Variants in COL8A1 observed in about 807,000 individuals in gnomAD.
The protein encoded by COL8A1 is collagen type VIII alpha 1 chain, also known as collagen alpha-1(VIII) chain.
In COL8A1, 21 loss-of-function variants were observed where a neutral mutation model predicts 42.7. The observed-to-expected ratio is 0.49, with a 90% confidence interval of 0.35 to 0.71. The LOEUF (loss-of-function observed/expected upper bound fraction) is 0.71. COL8A1 is among the 30% of genes least tolerant of loss of function. COL8A1 has a pLI of 0.01. For synonymous variants in COL8A1, 367 were observed against 369.1 expected, an observed-to-expected ratio of 0.99 and a Z score of 0.06; for missense variants, 788 against 962.4, an observed-to-expected ratio of 0.82 and a Z score of 2.40.
intron 2 of COL8A1, among the ~76,000 whole-genome samples, chr3:99,755,711 A>G (rs1221484864): frequency 6.6e-6 from 1 of 152,212 alleles, no homozygotes; most frequent in Non-Finnish European, 1.5e-5. Flanking sequence ...ATGATCTGGA[A>G]GACAGTTCAG....
intron 2 of COL8A1, among the ~76,000 whole-genome samples, chr3:99,777,244 A>T (rs777067451): frequency 1.3e-5 from 2 of 152,102 alleles, no homozygotes; most frequent in African/African-American, 4.8e-5. Context: ...TCTTGGGGGA[A>T]TCTTTTCCTC....
At position 99,656,499 on chromosome 3, in the gene COL8A1, A is replaced by G. The variant is rs142182165; in HGVS notation, c.-129+17835A>G. Among the ~76,000 whole-genome samples, 726 of 152,238 alleles carry G rather than the reference A, an allele frequency of 4.8e-3. 7 individuals are homozygous for G. The highest frequency in any genetic ancestry group is 0.016 in the African/African-American group (684 of 41,552). On this transcript the variant is annotated intron_variant, in intron 1 of 3. Transcript: ENST00000652472. ...TTTATCTATTTGTATAAGAAGAAAA[A>G]AAAAAAAAAAGCTTTCCTCACAGGG...
chr3:99,768,019 A>C (rs1242619136), intron 2 of COL8A1, among the ~76,000 whole-genome samples: 1 of 152,206 alleles, frequency 6.6e-6, no homozygotes, highest in Non-Finnish European at 1.5e-5. Flanking sequence ...GTAACATTTG[A>C]TTGAGATCGG....
chr3:99,671,373 A>G (rs1578796), intron 1 of COL8A1, among the ~76,000 whole-genome samples: 42,226 of 151,948 alleles, frequency 0.28, 7,066 homozygotes, highest in East Asian at 0.48. Flanking sequence ...AAAAAGTTAC[A>G]TATATTTGTG....
intron 2 of COL8A1, among the ~76,000 whole-genome samples, chr3:99,760,767 A>T (rs1216490363): frequency 2.6e-5 from 4 of 152,310 alleles, no homozygotes; most frequent in African/African-American, 9.6e-5. Context: ...AGACTCACAG[A>T]GATTTATCGC....
At chr3:99,666,442 T>C (rs949298770) in intron 1 of COL8A1, among the ~76,000 whole-genome samples, 10 of 152,214 alleles carry the variant, frequency 6.6e-5, no homozygotes, top group Non-Finnish European at 1.2e-4. Flanking sequence ...ATTCATATCC[T>C]GGGTCTTGTC....
intron 1 of COL8A1, among the ~76,000 whole-genome samples, chr3:99,735,500 C>T (rs1940676215): frequency 6.8e-6 from 1 of 146,600 alleles, no homozygotes; most frequent in South Asian, 2.2e-4. Flanking sequence ...AGGGATGAAG[C>T]CCACTTGATC....
intron 1 of COL8A1, among the ~76,000 whole-genome samples, chr3:99,667,978 C>A (rs935466983): frequency 6.6e-6 from 1 of 152,032 alleles, no homozygotes; most frequent in African/African-American, 2.4e-5. Flanking sequence ...GAACTATTTT[C>A]TCCATATGAG....
At chr3:99,672,800 A>G (rs1312983956) in intron 1 of COL8A1, among the ~76,000 whole-genome samples, 1 of 152,016 alleles carries the variant, frequency 6.6e-6, no homozygotes, top group African/African-American at 2.4e-5. Context: ...TCACACCTGT[A>G]TGCTGATTAT....
chr3:99,670,556 G>A (rs1938512555), intron 1 of COL8A1, among the ~76,000 whole-genome samples: 1 of 152,038 alleles, frequency 6.6e-6, no homozygotes, highest in African/African-American at 2.4e-5. Flanking sequence ...TGTATACAGT[G>A]TGGAATGATT....
intron 2 of COL8A1, among the ~76,000 whole-genome samples, chr3:99,761,771 G>A (rs943006124): frequency 6.6e-6 from 1 of 152,150 alleles, no homozygotes; most frequent in African/African-American, 2.4e-5. Flanking sequence ...CGTGGAACAT[G>A]AAAAGAAGAA....
At chr3:99,693,812 G>C (rs1001485489) in intron 1 of COL8A1, among the ~76,000 whole-genome samples, 2 of 152,146 alleles carry the variant, frequency 1.3e-5, no homozygotes, top group Non-Finnish European at 2.9e-5. Flanking sequence ...AGTGTCCTGG[G>C]TGTTCACATT....
At chr3:99,678,133 G>A (rs1280028918) in intron 1 of COL8A1, 3 of 152,104 alleles carry the variant, frequency 2.0e-5, no homozygotes, top group Non-Finnish European at 4.4e-5. Context: ...GTGGCTGTGA[G>A]TGGGTGGAAC....
intron 1 of COL8A1, among the ~76,000 whole-genome samples, chr3:99,661,101 T>C (rs982220107): frequency 4.6e-5 from 7 of 152,190 alleles, no homozygotes; most frequent in African/African-American, 1.7e-4. Flanking sequence ...AAGATGAATA[T>C]GTATGTCTTA....
chr3:99,748,903 A>AT (rs1031254974), intron 2 of COL8A1, among the ~76,000 whole-genome samples: 1 of 152,222 alleles, frequency 6.6e-6, no homozygotes, highest in African/African-American at 2.4e-5. Flanking sequence ...GGCAAGAACT[A>AT]TAAATTAGTA....
intron 1 of COL8A1, among the ~76,000 whole-genome samples, chr3:99,723,621 C>T (rs1940219013): frequency 6.6e-6 from 1 of 152,124 alleles, no homozygotes; most frequent in Non-Finnish European, 1.5e-5. Flanking sequence ...CTCTGGCAGG[C>T]TATGCCCTGC....
rs1215186886 is a variant in COL8A1 at position 99,720,928 on chromosome 3, C to T, written c.-128-23969C>T. Among the ~76,000 whole-genome samples, 5 of 152,030 alleles carry T rather than the reference C, an allele frequency of 3.3e-5. 1 individual carries two copies. Among genetic ancestry groups the T allele is most frequent in the African/African-American group, 7.2e-5 (3 of 41,384 alleles). On this transcript the variant is annotated intron_variant, in intron 1 of 3. Coordinates refer to ENST00000652472, the MANE Select transcript of COL8A1 (RefSeq NM_020351.4). ...TGGGAGGAAAGACCTTCATAGTGAT[C>T]CCCTTACCCTCACTTTTCCCTCAGT...
Position 99,790,537 on chromosome 3 carries a change from T to G in COL8A1, c.-3-143T>G, listed in dbSNP as rs916743738. The G allele has an allele frequency of 5.9e-6, 4 of 677,374 alleles. No homozygotes were observed. The South Asian group carries it at 7.9e-5, about 13-fold the overall frequency. The allele number at this position is 677,374 out of a possible 1,614,324, so 42.0% of individuals were successfully genotyped here. On this transcript the variant is annotated intron_variant, in intron 2 of 3. Coordinates refer to ENST00000652472, the MANE Select transcript of COL8A1 (RefSeq NM_020351.4). The stretch of plus-strand genomic sequence containing the variant: ...TGTTTGTTTTCTATAGAAAGTAGCA[T>G]TTTCCTTTTCATTTGACTTCTATCA...
chr3:99,651,747 G>T (rs1026701830), intron 1 of COL8A1, among the ~76,000 whole-genome samples: 1 of 152,188 alleles, frequency 6.6e-6, no homozygotes, highest in African/African-American at 2.4e-5. Context: ...GATGTCAGAG[G>T]TCGGCCACCC....
Sources: allele counts gnomAD v4.1 joint callset (sites outside exome capture counted in the v4.1 genomes callset), GRCh38; gene constraint gnomAD v4.1.1; transcripts MANE v1.5; gene names NCBI Gene and HGNC (gene_info 2026-07-23, HGNC 2026-07-21).